GLRA3: variants seen among roughly 807,000 people sequenced by gnomAD.
GLRA3 encodes the protein glycine receptor alpha 3.
Under a neutral mutation model 60.4 loss-of-function variants are expected in GLRA3, and 44 were observed. The observed-to-expected ratio is 0.73, with a 90% confidence interval of 0.57 to 0.94. The LOEUF (loss-of-function observed/expected upper bound fraction) is 0.94, where lower values mean the gene tolerates loss of function less well. Among genes scored for constraint, GLRA3 ranks in the 40% least tolerant of loss-of-function variants. GLRA3 has a pLI of 0.00. For missense variants in GLRA3, 508 were observed against 564.6 expected (o/e 0.90, Z 1.02); for synonymous variants, 223 against 192.9 (o/e 1.16, Z -1.29).
At chr4:174,745,117 A>C (rs1561091494) in intron 3 of GLRA3, among the ~76,000 whole-genome samples, 1 of 152,216 alleles carries the variant, frequency 6.6e-6, no homozygotes, top group Non-Finnish European at 1.5e-5. Context: ...TAAAGAAAAA[A>C]GAATGAACAA....
intron 2 of GLRA3, among the ~76,000 whole-genome samples, chr4:174,776,638 A>AT (rs1024699184): frequency 1.8e-4 from 28 of 152,088 alleles, no homozygotes; most frequent in African/African-American, 6.3e-4. Flanking sequence ...GAAATAACCA[A>AT]TTTTTTTGGA....
rs569946358 is a variant in GLRA3, at chr4:174,752,820, A to G, written c.267+14143T>C. Among the ~76,000 whole-genome samples the G allele has an allele frequency of 2.0e-5, 3 of 152,226 alleles. No individual in the cohort carries two copies. The South Asian group carries it at 6.2e-4, about 32-fold the overall frequency. On this transcript the variant is annotated intron_variant, in intron 3 of 9. Transcript: ENST00000274093. Reference sequence around the variant, plus strand: ...TCATTTTTGTTAATTATACCTCTTAATATAATCTTGTGACAAGATTATTTG... The same window carrying G: ...TCATTTTTGTTAATTATACCTCTTAGTATAATCTTGTGACAAGATTATTTG...
At position 174,713,156 on chromosome 4, in the gene GLRA3, T is replaced by C. The variant is rs17060789; in HGVS notation, c.574+2332A>G. Among the ~76,000 whole-genome samples the C allele has an allele frequency of 9.3e-3, 1,407 of 152,106 alleles. 22 individuals are homozygous for C. Among genetic ancestry groups the C allele is most frequent in the African/African-American group, 0.032 (1,310 of 41,512 alleles). ...TAGCTAAATTAAAATTAATTCCTAA[T>C]AAGAGAGCAGGAAGTGCTTAATGAC... On this transcript the variant is annotated intron_variant, in intron 5 of 9. Transcript: ENST00000274093.
intron 2 of GLRA3, among the ~76,000 whole-genome samples, chr4:174,777,939 A>C (rs1370414445): frequency 6.6e-6 from 1 of 152,232 alleles, no homozygotes; most frequent in Non-Finnish European, 1.5e-5. Context: ...CTTGAAAATG[A>C]AAACCTATTT....
chr4:174,720,219 G>T (rs766614368), intron 4 of GLRA3, among the ~76,000 whole-genome samples: 3 of 152,110 alleles, frequency 2.0e-5, no homozygotes, highest in Non-Finnish European at 4.4e-5. Flanking sequence ...CCATTATTCT[G>T]TGGTAAAGAT....
At chr4:174,696,057 A>G (rs1463303885) in intron 5 of GLRA3, among the ~76,000 whole-genome samples, 1 of 152,130 alleles carries the variant, frequency 6.6e-6, no homozygotes, top group African/African-American at 2.4e-5. Context: ...AGATCTCTAC[A>G]ATGACAATTA....
intron 2 of GLRA3, among the ~76,000 whole-genome samples, chr4:174,773,879 C>A (rs6855717): frequency 0.74 from 112,791 of 151,942 alleles, 42,184 homozygotes; most frequent in East Asian, 1. Context: ...CTGAGGGGGT[C>A]GTAGTAACCT....
At chr4:174,695,948 G>A (rs933916858) in intron 5 of GLRA3, among the ~76,000 whole-genome samples, 3 of 151,852 alleles carry the variant, frequency 2.0e-5, no homozygotes, top group African/African-American at 7.3e-5. Flanking sequence ...ACCAACAACA[G>A]CCACACTGAG....
intron 3 of GLRA3, among the ~76,000 whole-genome samples, chr4:174,755,189 G>A (rs1737645613): frequency 6.6e-6 from 1 of 151,894 alleles, no homozygotes; most frequent in Non-Finnish European, 1.5e-5. Context: ...TCTCTTTTTG[G>A]AAAAAAATAG....
chr4:174,646,407 T>C (rs897558552), intron 9 of GLRA3, among the ~76,000 whole-genome samples: 7 of 152,326 alleles, frequency 4.6e-5, no homozygotes, highest in Admixed American at 2.0e-4. Flanking sequence ...ACAGTAGTGC[T>C]GAGAATGACC....
intron 1 of GLRA3, among the ~76,000 whole-genome samples, chr4:174,821,170 T>C (rs1740726999): frequency 1.3e-5 from 2 of 152,142 alleles, no homozygotes; most frequent in Admixed American, 6.6e-5. Context: ...TTTAAAGTTA[T>C]TTGAATAAAA....
intron 7 of GLRA3, among the ~76,000 whole-genome samples, chr4:174,666,867 G>A (rs1324769331): frequency 6.6e-6 from 1 of 151,166 alleles, no homozygotes; most frequent in Admixed American, 6.6e-5. Context: ...TGTTCAGGGA[G>A]CTTGCCTAAC....
chr4:174,753,089 T>C (rs112375706), intron 3 of GLRA3, among the ~76,000 whole-genome samples: 244 of 152,298 alleles, frequency 1.6e-3, no homozygotes, highest in Middle Eastern at 3.4e-3. Context: ...ATGTCATTGT[T>C]GAGAAGGAAT....
rs901961249 is a variant in GLRA3 at position 174,677,580 on chromosome 4, G to A, written c.713-288C>T. The stretch of plus-strand genomic sequence containing the variant: ...TCACCATGTTGGCCAGGCTGGTGTC[G>A]AATTCCTGACCTCAGGTAATCTGCC... On this transcript the variant is annotated intron_variant, in intron 6 of 9. Transcript: ENST00000274093. Among the ~76,000 whole-genome samples the A allele has an allele frequency of 6.6e-5, 10 of 150,648 alleles. No individual in the cohort carries two copies. In the East Asian group the frequency reaches 9.8e-4, roughly 15 times the overall value.
chr4:174,770,133 T>C (rs1738319775), intron 2 of GLRA3, among the ~76,000 whole-genome samples: 1 of 152,160 alleles, frequency 6.6e-6, no homozygotes, highest in Admixed American at 6.6e-5. Flanking sequence ...ATTCTCTAGA[T>C]GGCTATTTAT....
intron 3 of GLRA3, among the ~76,000 whole-genome samples, chr4:174,755,233 A>T (rs1245840194): frequency 1.3e-5 from 2 of 152,168 alleles, no homozygotes; most frequent in Non-Finnish European, 2.9e-5. Context: ...ATGCTTACAT[A>T]TATTTGACAA....
chr4:174,769,239 T>C (rs913644224), intron 2 of GLRA3, among the ~76,000 whole-genome samples: 16 of 152,216 alleles, frequency 1.1e-4, no homozygotes, highest in African/African-American at 3.8e-4. Context: ...ACATCATCCC[T>C]ATCTCTACTA....
In GLRA3 at chr4:174,764,235, A is replaced by G. The variant is rs564404784; in HGVS notation, c.267+2728T>C. Among the ~76,000 whole-genome samples, 24 of 152,242 alleles carry G rather than the reference A, an allele frequency of 1.6e-4. No homozygotes were observed. The South Asian group carries it at 4.6e-3, about 29-fold the overall frequency. On this transcript the variant is annotated intron_variant, in intron 3 of 9. Coordinates refer to ENST00000274093, the MANE Select transcript of GLRA3 (RefSeq NM_006529.4). ...GTAGACTAATAGAGAAATTTTCCCAAGGATTAAAGAATAACCTCAAATGGG... is the reference window on the plus strand; with the variant it reads ...GTAGACTAATAGAGAAATTTTCCCAGGGATTAAAGAATAACCTCAAATGGG...
Position 174,666,759 on chromosome 4 carries a change from T to TA in GLRA3, c.928-7563_928-7562insT, listed in dbSNP as rs869235454. 8.7e-3 allele frequency among the ~76,000 whole-genome samples: 465 copies of TA among 53,340 alleles called. 1 individual carries two copies. The highest frequency in any genetic ancestry group is 0.02 in the Middle Eastern group (2 of 102). The allele number at this position is 53,340 out of a possible 152,430, so 35.0% of individuals were successfully genotyped here. A position where few individuals can be genotyped will look rare whatever the true frequency, so the allele number is the denominator to read the frequency against. ...ATAAGAATATATATATATATATATA[T>TA]TATATATATATATATATATATAATT... On this transcript the variant is annotated intron_variant, in intron 7 of 9. Transcript: ENST00000274093.
Sources: allele counts gnomAD v4.1 joint callset (sites outside exome capture counted in the v4.1 genomes callset), GRCh38; gene constraint gnomAD v4.1.1; transcripts MANE v1.5; gene names NCBI Gene and HGNC (gene_info 2026-07-23, HGNC 2026-07-21).